ARL6: variants seen among roughly 807,000 people sequenced by gnomAD.
ARL6 encodes the protein ADP-ribosylation factor-like protein 6.
Under a neutral mutation model 27.1 loss-of-function variants are expected in ARL6, and 18 were observed. That is an observed-to-expected ratio of 0.66 (90% CI 0.46 to 0.98). The LOEUF is 0.98. Among genes scored for constraint, ARL6 ranks in the 50% least tolerant of loss-of-function variants. ARL6 has a pLI of 0.00. For synonymous variants in ARL6, 65 were observed against 72.3 expected, an observed-to-expected ratio of 0.90 and a Z score of 0.51; for missense variants, 187 against 214.9, an observed-to-expected ratio of 0.87 and a Z score of 0.81.
rs551751093 is a variant in ARL6 at position 97,782,878 on chromosome 3, G to A, written c.255-2077G>A. Among the ~76,000 whole-genome samples, 10 of 150,436 alleles carry A rather than the reference G, an allele frequency of 6.6e-5. No individual in the cohort carries two copies. In the South Asian group the frequency reaches 1.5e-3, roughly 22 times the overall value. On this transcript the variant is annotated intron_variant, in intron 4 of 7. Coordinates refer to ENST00000463745, the MANE Select transcript of ARL6 (RefSeq NM_001278293.3). ...TTTGCTATAAATATGTACTTACTAT[G>A]TATAGAAAGAAGAAAGTTCTTAGTG...
At chr3:97,796,422 C>T (rs1184221504) in intron 7 of ARL6, among the ~76,000 whole-genome samples, 1 of 151,572 alleles carries the variant, frequency 6.6e-6, no homozygotes, top group African/African-American at 2.4e-5. Flanking sequence ...GAGGCAAACT[C>T]CCAGAAAGTA....
chr3:97,784,860 G>A (rs936187685), intron 4 of ARL6, 95 bp from the exon 5 acceptor site: 30 of 806,250 alleles, frequency 3.7e-5, no homozygotes, highest in Non-Finnish European at 5.9e-5. Flanking sequence ...AGGACATAAG[G>A]AGATAATACT....
At chr3:97,791,877 T>A (rs372837466) in intron 7 of ARL6, 51 bp downstream of exon 7, 17 of 1,493,880 alleles carry the variant, frequency 1.1e-5, no homozygotes, top group Non-Finnish European at 1.5e-5. Context: ...TTTTTATTCA[T>A]ATTTTTATCT....
At chr3:97,781,544 G>C (rs1350390225) in intron 4 of ARL6, among the ~76,000 whole-genome samples, 2 of 152,082 alleles carry the variant, frequency 1.3e-5, no homozygotes, top group Non-Finnish European at 2.9e-5. Flanking sequence ...ATTTGCATAT[G>C]TTATAAGCAA....
chr3:97,765,687 T>G lies in ARL6; in HGVS notation c.-28+710T>G, dbSNP rs74783364. ...CTTCACATCAGAAACACTGGGTAGCTTTTAAAACTACAGATGCCCTGATCT... is the reference window on the plus strand; with the variant it reads ...CTTCACATCAGAAACACTGGGTAGCGTTTAAAACTACAGATGCCCTGATCT... On this transcript the variant is annotated intron_variant, in intron 1 of 7. Coordinates refer to ENST00000463745, the MANE Select transcript of ARL6 (RefSeq NM_001278293.3). Among the ~76,000 whole-genome samples the G allele has an allele frequency of 3.5e-3, 528 of 152,306 alleles. 2 individuals are homozygous for G. Among genetic ancestry groups the G allele is most frequent in the African/African-American group, 0.011 (460 of 41,568 alleles).
At position 97,798,068 on chromosome 3, in the gene ARL6, C is replaced by G; in HGVS notation, c.*19C>G. The G allele has an allele frequency of 6.2e-7, 1 of 1,611,364 alleles. No homozygotes were observed. Among genetic ancestry groups the G allele is most frequent in the Non-Finnish European group, 8.5e-7 (1 of 1,177,830 alleles). The stretch of plus-strand genomic sequence containing the variant: ...GACATGAAAAGATAATAGTTGGAAA[C>G]CTCAGCAATTTTCAATTCAAGGAAT... On this transcript the variant is annotated 3_prime_UTR_variant, in exon 8 of 8. Coordinates refer to ENST00000463745, the MANE Select transcript of ARL6 (RefSeq NM_001278293.3).
chr3:97,800,709 A>G lies in ARL6; in HGVS notation c.*2660A>G, dbSNP rs528020541. ...CTTGTCTTATTCATTTCAGGTTGCT[A>G]TAACAAAGTACCATAGACTGGGTGG... On this transcript the variant is annotated 3_prime_UTR_variant, in exon 8 of 8. Coordinates refer to ENST00000463745, the MANE Select transcript of ARL6 (RefSeq NM_001278293.3). 6.6e-6 allele frequency: 1 copy of G among 152,172 alleles called. No homozygotes were observed. Among genetic ancestry groups the G allele is most frequent in the Non-Finnish European group, 1.5e-5 (1 of 68,034 alleles). 9.4% of individuals were successfully genotyped at this position (152,172 alleles called of 1,614,324 possible).
At chr3:97,765,211 G>GGGGGGTGT (rs373304649) in intron 1 of ARL6, among the ~76,000 whole-genome samples, 1 of 105,536 alleles carries the variant, frequency 9.5e-6, no homozygotes, top group Non-Finnish European at 2.2e-5. Context: ...GTGTATTGGG[G>GGGGGGTGT]GTGTGTGTGT....
In ARL6 at chr3:97,784,994, T is replaced by C; in HGVS notation, c.294T>C (p.Asp98=). 6.2e-7 allele frequency: 1 copy of C among 1,613,056 alleles called. No homozygotes were observed. Among genetic ancestry groups the C allele is most frequent in the Non-Finnish European group, 8.5e-7 (1 of 1,179,294 alleles). Residue 98 remains aspartate, a synonymous_variant, in exon 5 of 8, where the codon GAT becomes GAC. Transcript: ENST00000463745. The part of the protein sequence containing the change: ...QAIIFVIDSS[D]RLRMVVAKEE... ...TTATTTTTGTCATTGATAGTAGTGA[T>C]AGATTAAGAATGGTTGTGGCCAAAG... is the stretch of plus-strand genomic sequence containing the variant.
At chr3:97,774,824 A>G (rs1194507092) in intron 2 of ARL6, among the ~76,000 whole-genome samples, 1 of 152,154 alleles carries the variant, frequency 6.6e-6, no homozygotes, top group African/African-American at 2.4e-5. Flanking sequence ...GAGGCTCAGT[A>G]TGTGCTTCTG....
rs2037115571 is a variant in ARL6 at position 97,780,105 on chromosome 3, G to C, written c.124-54G>C. ...GAAAATCTGGATACTTTAACTTGAG[G>C]AAAACTCATCTCTGGTAATTGTAAA... On this transcript the variant is annotated intron_variant, in intron 2 of 7. Transcript: ENST00000463745. 1.6e-5 allele frequency: 23 copies of C among 1,436,418 alleles called. 1 individual carries two copies. Among genetic ancestry groups the C allele is most frequent in the Non-Finnish European group, 2.2e-5 (22 of 1,019,008 alleles). 89.0% of individuals were successfully genotyped at this position (1,436,418 alleles called of 1,614,324 possible).
intron 7 of ARL6, among the ~76,000 whole-genome samples, chr3:97,797,196 G>A (rs1029663865): frequency 6.6e-6 from 1 of 152,154 alleles, no homozygotes; most frequent in African/African-American, 2.4e-5. Context: ...ATAAGACTCT[G>A]TGGAAGAGTT....
intron 3 of ARL6, 149 bp from the exon 4 acceptor site, chr3:97,780,466 C>A: frequency 1.4e-6 from 1 of 738,732 alleles, no homozygotes; most frequent in Non-Finnish European, 2.3e-6. Context: ...TATATTAATA[C>A]ATTTATTTCA....
rs535154046 is a variant in ARL6, at chr3:97,794,445, C to A, written c.535+2619C>A. ...GGAAGGCTGGTCTCGAACACCTGAC[C>A]TCAGGTGATCCACCCACCTCAGCCT... On this transcript the variant is annotated intron_variant, in intron 7 of 7. Transcript: ENST00000463745. Among the ~76,000 whole-genome samples, 9 of 152,094 alleles carry A rather than the reference C, an allele frequency of 5.9e-5. No homozygotes were observed. The East Asian group carries it at 1.7e-3, about 29-fold the overall frequency.
intron 7 of ARL6, chr3:97,792,085 C>T (rs937504166): frequency 2.5e-6 from 1 of 397,068 alleles, no homozygotes; most frequent in Non-Finnish European, 4.5e-6. Context: ...ACAATTTAAA[C>T]TTATAGCAAC....
At chr3:97,787,955 T>G in intron 5 of ARL6, 35 bp from the exon 6 acceptor site, 1 of 1,611,818 alleles carries the variant, frequency 6.2e-7, no homozygotes, top group Admixed American at 1.7e-5. Context: ...CCTAAAAAGC[T>G]GGAAGTGTGA....
chr3:97,788,478 C>T (rs2037568529), intron 6 of ARL6, among the ~76,000 whole-genome samples: 1 of 152,018 alleles, frequency 6.6e-6, no homozygotes, highest in African/African-American at 2.4e-5. Flanking sequence ...AATCATTTTC[C>T]AAAATAATTT....
intron 2 of ARL6, among the ~76,000 whole-genome samples, chr3:97,775,395 C>A (rs1468252271): frequency 6.6e-6 from 1 of 152,062 alleles, no homozygotes; most frequent in Non-Finnish European, 1.5e-5. Context: ...TGTTCAAGGG[C>A]AGGAAGCATC....
At chr3:97,781,547 A>G (rs1438703988) in intron 4 of ARL6, among the ~76,000 whole-genome samples, 2 of 152,134 alleles carry the variant, frequency 1.3e-5, no homozygotes, top group African/African-American at 2.4e-5. Flanking sequence ...TGCATATGTT[A>G]TAAGCAAATA....
Sources: allele counts gnomAD v4.1 joint callset (sites outside exome capture counted in the v4.1 genomes callset), GRCh38; gene constraint gnomAD v4.1.1; transcripts MANE v1.5; gene names NCBI Gene and HGNC (gene_info 2026-07-23, HGNC 2026-07-21).